TPRG1: variants seen among roughly 807,000 people sequenced by gnomAD.
TPRG1 encodes tumor protein p63-regulated gene 1 protein.
A neutral mutation model predicts 29.3 loss-of-function variants in TPRG1; 29 were observed. That is an observed-to-expected ratio of 0.99 (90% confidence interval 0.74 to 1.35). The LOEUF (loss-of-function observed/expected upper bound fraction) is 1.35, where lower values mean the gene tolerates loss of function less well. Among genes scored for constraint, TPRG1 ranks in the 40% most tolerant of loss-of-function variants. TPRG1 has a pLI of 0.00. For missense variants in TPRG1, 327 were observed against 335.0 expected, an observed-to-expected ratio of 0.98 and a Z score of 0.19; for synonymous variants, 130 against 116.8, an observed-to-expected ratio of 1.11 and a Z score of -0.73.
chr3:189,034,102 A>G (rs980190422), intron 4 of TPRG1, among the ~76,000 whole-genome samples: 37 of 152,360 alleles, frequency 2.4e-4, no homozygotes, highest in African/African-American at 8.7e-4. Context: ...AGAATGCATA[A>G]CTTCTAAGCA....
chr3:189,061,490 C>T (rs1315279383), intron 4 of TPRG1, among the ~76,000 whole-genome samples: 1 of 152,100 alleles, frequency 6.6e-6, no homozygotes, highest in Non-Finnish European at 1.5e-5. Context: ...AAGCTATTAA[C>T]AGAGTAAACA....
chr3:189,004,587 A>C (rs1405301044), exon 3 of TPRG1: 1 of 152,176 alleles, frequency 6.6e-6, no homozygotes, highest in African/African-American at 2.4e-5. Context: ...AGGCTTAGGC[A>C]AGAGGGGAGT....
intron 4 of TPRG1, among the ~76,000 whole-genome samples, chr3:189,036,602 G>A (rs1330588416): frequency 6.6e-6 from 1 of 151,846 alleles, no homozygotes; most frequent in Non-Finnish European, 1.5e-5. Flanking sequence ...AAATAATAAA[G>A]ATAATATAAA....
intron 1 of TPRG1, among the ~76,000 whole-genome samples, chr3:189,112,596 C>T (rs1720667678): frequency 6.6e-6 from 1 of 152,328 alleles, no homozygotes; most frequent in East Asian, 1.9e-4. Flanking sequence ...CCACATGTGG[C>T]TAGCCAGTTT....
At chr3:189,078,691 T>C (rs1717388318) in intron 4 of TPRG1, among the ~76,000 whole-genome samples, 1 of 152,242 alleles carries the variant, frequency 6.6e-6, no homozygotes, top group African/African-American at 2.4e-5. Context: ...TGCTTTATTA[T>C]GTAATTAGGA....
intron 4 of TPRG1, among the ~76,000 whole-genome samples, chr3:189,277,764 A>C (rs1444131333): frequency 1.3e-5 from 2 of 152,232 alleles, no homozygotes; most frequent in Non-Finnish European, 2.9e-5. Context: ...TGTATTTTAC[A>C]GCTTTACGAG....
chr3:189,163,492 A>G (rs1441706073), intron 5 of TPRG1, among the ~76,000 whole-genome samples: 1 of 152,212 alleles, frequency 6.6e-6, no homozygotes, highest in East Asian at 1.9e-4. Flanking sequence ...AAAAATGTCA[A>G]GCTTGTTATA....
At position 189,278,584 on chromosome 3, in the gene TPRG1, TACTTAGG is replaced by T. The variant is rs983117505; in HGVS notation, c.480-31793_480-31787del. The stretch of plus-strand genomic sequence containing the variant: ...ATGTGGCATCATGGAGGAAAAAAGG[TACTTAGG>T]ACTTAGGAAACCTAAACCTAAATTC... On this transcript the variant is annotated intron_variant, in intron 4 of 5. Transcript: ENST00000345063. 7.2e-5 allele frequency among the ~76,000 whole-genome samples: 11 copies of T among 152,326 alleles called. No individual in the cohort carries two copies. The East Asian group carries it at 7.7e-4, about 11-fold the overall frequency.
At chr3:189,112,537 C>T (rs948455506) in intron 1 of TPRG1, among the ~76,000 whole-genome samples, 2 of 151,982 alleles carry the variant, frequency 1.3e-5, no homozygotes, top group Non-Finnish European at 2.9e-5. Context: ...TAATCCATCT[C>T]GAATTAATTT....
At chr3:189,006,750 G>C (rs543099826) in intron 3 of TPRG1, among the ~76,000 whole-genome samples, 92 of 152,194 alleles carry the variant, frequency 6.0e-4, no homozygotes, top group South Asian at 1.7e-3. Context: ...TGCCTTAGGG[G>C]TTCTAAGTCA....
At chr3:189,028,623 G>C (rs1713782835) in intron 4 of TPRG1, among the ~76,000 whole-genome samples, 1 of 152,120 alleles carries the variant, frequency 6.6e-6, no homozygotes, top group Non-Finnish European at 1.5e-5. Context: ...GTAATTACCT[G>C]CCCTTTCCCT....
At chr3:189,259,094 A>C (rs1560615714) in intron 4 of TPRG1, among the ~76,000 whole-genome samples, 1 of 152,122 alleles carries the variant, frequency 6.6e-6, no homozygotes, top group Non-Finnish European at 1.5e-5. Flanking sequence ...ATGGCCTCCC[A>C]GTTTTGTGCT....
rs565527705 is a variant in TPRG1 at position 189,089,025 on chromosome 3, G to T, written c.-462-38032G>T. Reference sequence around the variant, plus strand: ...CTATCTATCTATCTATGTATCATCTGTCTATTAATACCTTTTTACAAAAGG... The same window carrying T: ...CTATCTATCTATCTATGTATCATCTTTCTATTAATACCTTTTTACAAAAGG... On this transcript the variant is annotated intron_variant, in intron 4 of 10. Transcript: ENST00000433971. Among the ~76,000 whole-genome samples, 14 of 150,048 alleles carry T rather than the reference G, an allele frequency of 9.3e-5. No homozygotes were observed. In the South Asian group the frequency reaches 3.0e-3, roughly 32 times the overall value.
At chr3:189,037,207 AATTT>A (rs1273025960) in intron 4 of TPRG1, among the ~76,000 whole-genome samples, 27 of 151,986 alleles carry the variant, frequency 1.8e-4, no homozygotes, top group Middle Eastern at 3.4e-3. Context: ...TTATAGAACA[AATTT>A]ATTTATAAAT....
chr3:189,310,456 C>T lies in TPRG1; in HGVS notation c.550C>T (p.Pro184Ser). 1.2e-6 allele frequency: 2 copies of T among 1,612,450 alleles called. No homozygotes were observed. Among genetic ancestry groups the T allele is most frequent in the East Asian group, 2.2e-5 (1 of 44,822 alleles). Residue 184 changes from proline (P) to serine (S), a missense_variant, in exon 5 of 6, where the codon CCA becomes TCA. By Grantham distance (74) the Pro-to-Ser change is moderately conservative. Transcript: ENST00000345063. ...GCAGTCTCTTCTGTCCCGCTGGAAC[C>T]CATGGTCCACTGAAGTTCCTTATGC... Reference protein sequence around the residue: ...EEQSLLSRWNPWSTEVPYATF... With the variant: ...EEQSLLSRWNSWSTEVPYATF...
chr3:189,114,021 C>T (rs1282608094), intron 1 of TPRG1, among the ~76,000 whole-genome samples: 3 of 151,934 alleles, frequency 2.0e-5, no homozygotes, highest in African/African-American at 4.8e-5. Flanking sequence ...GAATTTTTTG[C>T]GTTGAAAAGA....
rs188135763 is a variant in TPRG1 at position 189,048,403 on chromosome 3, A to T, written c.-463+24457A>T. ...TCTATTTAAAGAGCACAGTCTGAGT[A>T]GATTTATCATAATACTTAAGGGTCC... is the stretch of plus-strand genomic sequence containing the variant. On this transcript the variant is annotated intron_variant, in intron 4 of 10. Transcript: ENST00000433971. Among the ~76,000 whole-genome samples the T allele has an allele frequency of 2.6e-5, 4 of 152,348 alleles. No homozygotes were observed. In the East Asian group the frequency reaches 7.7e-4, roughly 29 times the overall value.
At chr3:189,211,618 G>A (rs1735274299) in intron 2 of TPRG1, 2 of 152,248 alleles carry the variant, frequency 1.3e-5, no homozygotes, top group East Asian at 1.9e-4. Context: ...TTCTGAAACT[G>A]TGTGCCTCTG....
rs1174221636 is a variant in TPRG1 at position 189,310,416 on chromosome 3, G to T, written c.510G>T (p.Trp170Cys). The T allele has an allele frequency of 6.2e-7, 1 of 1,610,594 alleles. No individual in the cohort carries two copies. Among genetic ancestry groups the T allele is most frequent in the Non-Finnish European group, 8.5e-7 (1 of 1,177,926 alleles). Residue 170 changes from tryptophan (W) to cysteine (C), a missense_variant, in exon 5 of 6, where the codon TGG becomes TGT. Physicochemically the swap from Trp to Cys is radical, Grantham distance 215. Coordinates refer to ENST00000345063, the MANE Select transcript of TPRG1 (RefSeq NM_198485.4). ...KRQGEGLRIY[W>C]GSPEEQSLLS... Reference sequence around the variant, plus strand: ...AAGGAGAAGGCCTTAGGATCTACTGGGGGAGTCCGGAGGAGCAGTCTCTTC... The same window carrying T: ...AAGGAGAAGGCCTTAGGATCTACTGTGGGAGTCCGGAGGAGCAGTCTCTTC...
Sources: gnomAD v4.1 joint callset for allele counts (sites outside exome capture counted in the v4.1 genomes callset) on GRCh38, gnomAD v4.1.1 for gene constraint, MANE v1.5 for transcripts, NCBI Gene and HGNC (gene_info 2026-07-23, HGNC 2026-07-21) for gene names.